The following ECT2 variants were observed in gnomAD, a reference collection of about 807,000 sequenced individuals.
The protein encoded by ECT2 is epithelial cell transforming 2, also known as protein ECT2.
A neutral mutation model predicts 116.9 loss-of-function variants in ECT2; 61 were observed. That is an observed-to-expected ratio of 0.52 (90% CI 0.42 to 0.65). The LOEUF is 0.65. Ranked by LOEUF, ECT2 falls within the 30% of genes least tolerant of loss-of-function variation. The pLI is 0.00. For missense variants in ECT2, 937 were observed against 1,078.7 expected (o/e 0.87, Z 1.84); for synonymous variants, 358 against 346.4 (o/e 1.03, Z -0.37).
chr3:172,798,316 G>C (rs1387744446), intron 18 of ECT2, among the ~76,000 whole-genome samples: 1 of 152,110 alleles, frequency 6.6e-6, no homozygotes, highest in Non-Finnish European at 1.5e-5. Context: ...ACTTTCACCA[G>C]CTTTTTAAAC....
At chr3:172,756,297 A>AG (rs1022021037) in intron 4 of ECT2, among the ~76,000 whole-genome samples, 3 of 151,880 alleles carry the variant, frequency 2.0e-5, no homozygotes, top group African/African-American at 4.8e-5. Flanking sequence ...AGTTAAAAAA[A>AG]AATTTTTTTT....
At chr3:172,786,402 A>G (rs1465130981) in intron 17 of ECT2, 91 bp from the exon 18 acceptor site, 2 of 759,616 alleles carry the variant, frequency 2.6e-6, no homozygotes, top group African/African-American at 1.8e-5. Context: ...TTATCTTTAA[A>G]AATTAGCTGT....
At chr3:172,810,143 G>A (rs1728502026) in intron 22 of ECT2, among the ~76,000 whole-genome samples, 1 of 152,156 alleles carries the variant, frequency 6.6e-6, no homozygotes, top group Non-Finnish European at 1.5e-5. Context: ...GACCTCTAAT[G>A]TCAGAAGTAT....
downstream of ECT2, among the ~76,000 whole-genome samples, chr3:172,821,880 T>C (rs1730709060): frequency 6.6e-6 from 1 of 151,792 alleles, no homozygotes; most frequent in Non-Finnish European, 1.5e-5. Flanking sequence ...ATATAGCAGG[T>C]AGTTAATTTT....
At chr3:172,808,008 TG>T (rs1728086843) in intron 22 of ECT2, 84 bp downstream of exon 22, 1 of 1,302,206 alleles carries the variant, frequency 7.7e-7, no homozygotes, top group African/African-American at 1.5e-5. Context: ...TTTAATGACT[TG>T]TTTATTATGA....
intron 22 of ECT2, among the ~76,000 whole-genome samples, chr3:172,808,772 A>G (rs943968564): frequency 5.9e-5 from 9 of 152,190 alleles, no homozygotes; most frequent in African/African-American, 2.2e-4. Flanking sequence ...TGGGAATGAA[A>G]CATGTAATTA....
chr3:172,802,864 A>G lies in ECT2; in HGVS notation c.1990A>G (p.Asn664Asp). Residue 664 changes from asparagine to aspartate, a missense_variant, in exon 20 of 25, where the codon AAT (asparagine) becomes GAT (aspartate). Physicochemically the swap from Asn to Asp is conservative, Grantham distance 23 (BLOSUM62 1). Transcript: ENST00000392692. The stretch of plus-strand genomic sequence containing the variant: ...GTTATATTTTCAACCTATACAGGCT[A>G]ATCTTTTATCTTCTCACCGAAGCTT... Reference protein sequence around the residue: ...VVYEVDGCPANLLSSHRSLVQ... With the variant: ...VVYEVDGCPADLLSSHRSLVQ... 6.2e-7 allele frequency: 1 copy of G among 1,611,878 alleles called. No homozygotes were observed. The highest frequency in any genetic ancestry group is 8.5e-7 in the Non-Finnish European group (1 of 1,179,142).
intron 18 of ECT2, among the ~76,000 whole-genome samples, chr3:172,792,064 G>A (rs991708184): frequency 1.3e-5 from 2 of 152,126 alleles, no homozygotes; most frequent in African/African-American, 4.8e-5. Flanking sequence ...CTAGTTGGTG[G>A]AGCACTCAGA....
At chr3:172,793,756 A>C (rs60122667) in intron 18 of ECT2, among the ~76,000 whole-genome samples, 3,417 of 152,136 alleles carry the variant, frequency 0.022, 141 homozygotes, top group African/African-American at 0.078. Context: ...GAGCCACCAC[A>C]CCTGGCCTGG....
At chr3:172,819,113 T>A (rs1031367508) in intron 24 of ECT2, among the ~76,000 whole-genome samples, 1 of 152,126 alleles carries the variant, frequency 6.6e-6, no homozygotes, top group African/African-American at 2.4e-5. Flanking sequence ...TATAGAAAAT[T>A]ATGCTTTTAA....
Position 172,782,219 on chromosome 3 carries a change from T to A in ECT2, c.1605T>A (p.Ile535=). Residue 535 remains isoleucine, a synonymous_variant, in exon 15 of 25, where the codon ATT becomes ATA. Transcript: ENST00000392692. ...NWDESKSIGD[I]FLKYSKDLVK... is the part of the protein sequence containing the mutation. ...ATGAGAGCAAAAGCATTGGTGACATTTTTCTGAAATATGTAAGTATTGTAT... is the reference window on the plus strand; with the variant it reads ...ATGAGAGCAAAAGCATTGGTGACATATTTCTGAAATATGTAAGTATTGTAT... 1 of 1,559,610 alleles carries A rather than the reference T, an allele frequency of 6.4e-7. No homozygotes were observed. The highest frequency in any genetic ancestry group is 8.8e-7 in the Non-Finnish European group (1 of 1,142,532).
chr3:172,766,956 A>C (rs1719519005), intron 12 of ECT2, among the ~76,000 whole-genome samples: 1 of 152,244 alleles, frequency 6.6e-6, no homozygotes, highest in Non-Finnish European at 1.5e-5. Context: ...CTGATATTTT[A>C]GGTGCTCTGT....
At chr3:172,765,587 A>T (rs1576871712) in intron 12 of ECT2, among the ~76,000 whole-genome samples, 1 of 152,104 alleles carries the variant, frequency 6.6e-6, no homozygotes, top group East Asian at 1.9e-4. Flanking sequence ...TGTAAAAAGG[A>T]TCTCTCTTAG....
intron 24 of ECT2, 88 bp downstream of exon 24, chr3:172,816,925 TC>T: frequency 1.8e-6 from 2 of 1,130,400 alleles, no homozygotes; most frequent in Non-Finnish European, 2.4e-6. Flanking sequence ...AAATATTTCT[TC>T]CATTTTAAAA....
intron 14 of ECT2, among the ~76,000 whole-genome samples, chr3:172,776,237 G>A (rs1470089492): frequency 7.4e-6 from 1 of 134,444 alleles, no homozygotes; most frequent in Non-Finnish European, 1.6e-5. Flanking sequence ...CTAGGCTGGA[G>A]TGCAGTGGCC....
rs1728046322 is a variant in ECT2 at position 172,807,765 on chromosome 3, C to G, written c.2246-5C>G. 6.2e-7 allele frequency: 1 copy of G among 1,608,822 alleles called. No individual in the cohort carries two copies. Among genetic ancestry groups the G allele is most frequent in the Admixed American group, 1.7e-5 (1 of 59,198 alleles). ...TTAATGTTTATGGTTATTCTGGAAC[C>G]CTAGATTGCCATAATGCTTTTGCCT... is the stretch of plus-strand genomic sequence containing the variant. On this transcript the variant is annotated splice_region_variant and splice_polypyrimidine_tract_variant and intron_variant, in intron 21 of 24. Transcript: ENST00000392692.
chr3:172,768,953 G>A (rs925219752), intron 12 of ECT2, 54 bp from the exon 13 acceptor site: 5 of 1,493,170 alleles, frequency 3.3e-6, no homozygotes, highest in Non-Finnish European at 4.5e-6. Context: ...TCTACATAAT[G>A]TTTGGTATTT....
intron 6 of ECT2, 70 bp downstream of exon 6, chr3:172,759,139 TTTTTAG>T: frequency 9.4e-7 from 1 of 1,063,930 alleles, no homozygotes. Flanking sequence ...CTTTTTTTTC[TTTTTAG>T]TATTATGGTT....
intron 22 of ECT2, among the ~76,000 whole-genome samples, chr3:172,809,298 G>A (rs4547731): frequency 0.58 from 87,716 of 151,768 alleles, 26,142 homozygotes; most frequent in East Asian, 0.86. Context: ...ATGGCTAATA[G>A]TACTAGAACT....
Sources: gnomAD v4.1 joint callset for allele counts (sites outside exome capture counted in the v4.1 genomes callset) on GRCh38, gnomAD v4.1.1 for gene constraint, MANE v1.5 for transcripts, NCBI Gene and HGNC (gene_info 2026-07-23, HGNC 2026-07-21) for gene names.